Variants in HNF4G observed in about 807,000 individuals in gnomAD.
HNF4G encodes the protein hepatocyte nuclear factor 4-gamma.
Under a neutral mutation model 50.9 loss-of-function variants are expected in HNF4G, and 21 were observed. That is an observed-to-expected ratio of 0.41 (90% CI 0.29 to 0.59). HNF4G has a LOEUF of 0.59. Ranked by LOEUF, HNF4G falls within the 20% of genes least tolerant of loss-of-function variation. The probability of loss-of-function intolerance (pLI) is 0.26; values close to 1 mark genes in which losing one functional copy is unlikely to be tolerated. For synonymous variants in HNF4G, 198 were observed against 185.6 expected (o/e 1.07, Z -0.54); for missense variants, 527 against 559.4 (o/e 0.94, Z 0.58).
At chr8:75,454,106 CCT>C (rs1811659114) in intron 1 of HNF4G, among the ~76,000 whole-genome samples, 1 of 145,274 alleles carries the variant, frequency 6.9e-6, no homozygotes, top group Admixed American at 6.9e-5. Flanking sequence ...TTCCTTTCTC[CCT>C]CTCTCCCTCT....
chr8:75,491,479 T>C (rs1360098165), intron 2 of HNF4G, among the ~76,000 whole-genome samples: 3 of 151,650 alleles, frequency 2.0e-5, no homozygotes, highest in Non-Finnish European at 4.4e-5. Flanking sequence ...TTCTTTTCTT[T>C]CCTTTTTTTT....
intron 3 of HNF4G, among the ~76,000 whole-genome samples, chr8:75,548,424 T>C (rs1806854276): frequency 6.6e-6 from 1 of 152,230 alleles, no homozygotes; most frequent in Non-Finnish European, 1.5e-5. Context: ...TTCCAAACAC[T>C]GTTCTAGGTG....
intron 2 of HNF4G, among the ~76,000 whole-genome samples, chr8:75,519,383 A>T: frequency 6.6e-6 from 1 of 152,146 alleles, no homozygotes; most frequent in East Asian, 1.9e-4. Context: ...CCCAGTTCCC[A>T]AGTCAGTTCT....
intron 1 of HNF4G, among the ~76,000 whole-genome samples, chr8:75,488,168 A>G (rs1812537005): frequency 6.6e-6 from 1 of 152,104 alleles, no homozygotes; most frequent in South Asian, 2.1e-4. Flanking sequence ...ATTTTTCTTT[A>G]TGTCTTTGGA....
At chr8:75,507,826 T>TCC (rs1441382692) in intron 2 of HNF4G, among the ~76,000 whole-genome samples, 2 of 152,058 alleles carry the variant, frequency 1.3e-5, no homozygotes, top group African/African-American at 4.8e-5. Context: ...TGTGCAAAGT[T>TCC]TAAGACAATT....
At chr8:75,451,245 TTTG>T (rs1220356506) in intron 1 of HNF4G, among the ~76,000 whole-genome samples, 3 of 152,316 alleles carry the variant, frequency 2.0e-5, no homozygotes, top group Admixed American at 2.0e-4. Flanking sequence ...CCTTACATAT[TTTG>T]TTGTATAGCT....
At chr8:75,480,835 C>T (rs1216148825) in intron 1 of HNF4G, among the ~76,000 whole-genome samples, 1 of 151,808 alleles carries the variant, frequency 6.6e-6, no homozygotes, top group African/African-American at 2.4e-5. Context: ...CTCAGCCTCC[C>T]GAGTAACCGG....
chr8:75,450,721 C>A (rs1024621311), intron 1 of HNF4G, among the ~76,000 whole-genome samples: 1 of 152,134 alleles, frequency 6.6e-6, no homozygotes, highest in South Asian at 2.1e-4. Flanking sequence ...CCCCAAAGTT[C>A]ATGTGTTGGA....
At chr8:75,458,662 A>G (rs1811779560) in intron 1 of HNF4G, among the ~76,000 whole-genome samples, 1 of 152,154 alleles carries the variant, frequency 6.6e-6, no homozygotes, top group South Asian at 2.1e-4. Flanking sequence ...GTACATGTGA[A>G]TTGAATTTAC....
In HNF4G at chr8:75,559,785, TA is replaced by T. The variant is rs10714616; in HGVS notation, c.1124-554del. On this transcript the variant is annotated intron_variant, in intron 8 of 9. Coordinates refer to ENST00000396423, the MANE Select transcript of HNF4G (RefSeq NM_004133.5). ...TAATACATATATATATATACTATCT[TA>T]AAAATGAACATTGTGCTCCTGAAAT... 6.5e-3 allele frequency among the ~76,000 whole-genome samples: 997 copies of T among 152,272 alleles called. 9 individuals are homozygous for T. Among genetic ancestry groups the T allele is most frequent in the Admixed American group, 0.015 (222 of 15,292 alleles).
intron 2 of HNF4G, among the ~76,000 whole-genome samples, chr8:75,524,375 T>A (rs1035250423): frequency 7.2e-5 from 11 of 152,176 alleles, no homozygotes; most frequent in African/African-American, 2.7e-4. Context: ...CCCAAGCTCA[T>A]CTTCCTTAGA....
upstream of HNF4G, chr8:75,407,950 G>A (rs1414176891): frequency 1.3e-5 from 2 of 152,026 alleles, no homozygotes; most frequent in African/African-American, 2.4e-5. Context: ...GGAGCTCCGG[G>A]AGCGGCCCGC....
chr8:75,466,642 TCCC>T (rs1563517782), intron 1 of HNF4G, among the ~76,000 whole-genome samples: 1 of 28,418 alleles, frequency 3.5e-5, no homozygotes, highest in African/African-American at 1.3e-4. Context: ...CCTTCTCCCT[TCCC>T]TTCCCTTCCC....
intron 1 of HNF4G, among the ~76,000 whole-genome samples, chr8:75,425,572 T>TTA (rs978969787): frequency 4.7e-5 from 7 of 147,892 alleles, no homozygotes; most frequent in African/African-American, 1.5e-4. Context: ...ATAATATATG[T>TTA]TATATATATA....
At chr8:75,540,243 T>C (rs1806576994) in intron 1 of HNF4G, among the ~76,000 whole-genome samples, 163 bp downstream of exon 1, 1 of 152,120 alleles carries the variant, frequency 6.6e-6, no homozygotes. Context: ...TTACAAAATT[T>C]AAGTTAATAA....
Position 75,564,404 on chromosome 8 carries a change from A to C in HNF4G, c.*308A>C. The C allele has an allele frequency of 5.1e-6, 1 of 197,594 alleles. No homozygotes were observed. Among genetic ancestry groups the C allele is most frequent in the South Asian group, 1.5e-4 (1 of 6,864 alleles). The allele number at this position is 197,594 out of a possible 1,614,324, so 12.2% of individuals were successfully genotyped here. On this transcript the variant is annotated 3_prime_UTR_variant, in exon 10 of 10. Transcript: ENST00000396423. ...GAGTTTCATTTGTTTTATTAATGTT[A>C]ATTTAAATCTGTAAATAATTGCTTT...
Position 75,566,434 on chromosome 8 carries a change from C to T in HNF4G, c.*2338C>T, listed in dbSNP as rs1016250931. 1.4e-4 allele frequency: 21 copies of T among 152,368 alleles called. No homozygotes were observed. The highest frequency in any genetic ancestry group is 5.1e-4 in the African/African-American group (21 of 41,392). The allele number at this position is 152,368 out of a possible 1,614,324, so 9.4% of individuals were successfully genotyped here. A position where few individuals can be genotyped will look rare whatever the true frequency, so the allele number is the denominator to read the frequency against. ...TTTTTAGTGAACCCTGTAATTTATT[C>T]GTGTATATTTACTAAACAGCTGTAT... On this transcript the variant is annotated 3_prime_UTR_variant, in exon 10 of 10. Coordinates refer to ENST00000396423, the MANE Select transcript of HNF4G (RefSeq NM_004133.5).
chr8:75,557,287 T>C (rs1807156596), intron 6 of HNF4G, among the ~76,000 whole-genome samples: 1 of 152,196 alleles, frequency 6.6e-6, no homozygotes, highest in African/African-American at 2.4e-5. Context: ...TTAATGAGTT[T>C]TACTATGGTA....
intron 1 of HNF4G, among the ~76,000 whole-genome samples, chr8:75,430,956 A>G (rs911445013): frequency 6.6e-6 from 1 of 152,164 alleles, no homozygotes. Flanking sequence ...TGTTCAAAAT[A>G]ATATAGATTA....
Sources: allele counts gnomAD v4.1 joint callset (sites outside exome capture counted in the v4.1 genomes callset), GRCh38; gene constraint gnomAD v4.1.1; transcripts MANE v1.5; gene names NCBI Gene and HGNC (gene_info 2026-07-23, HGNC 2026-07-21).